Variants in PRKCE observed in about 807,000 individuals in gnomAD.
PRKCE encodes the protein protein kinase C epsilon.
In PRKCE, 16 loss-of-function variants were observed where a neutral mutation model predicts 85.4. The ratio of observed to expected loss-of-function variants is 0.19; its 90% CI spans 0.13 to 0.28. The LOEUF is 0.28. Ranked by LOEUF, PRKCE falls within the 10% of genes least tolerant of loss-of-function variation. PRKCE has a pLI of 1.00. For synonymous variants in PRKCE, 388 were observed against 371.5 expected, an observed-to-expected ratio of 1.04 and a Z score of -0.51; for missense variants, 573 against 975.2, an observed-to-expected ratio of 0.59 and a Z score of 5.49.
At chr2:45,981,646 T>C (rs1457846058) in intron 5 of PRKCE, among the ~76,000 whole-genome samples, 1 of 152,228 alleles carries the variant, frequency 6.6e-6, no homozygotes, top group Non-Finnish European at 1.5e-5. Flanking sequence ...TCTAGGATCA[T>C]GACCCCAGTA....
In PRKCE at chr2:46,001,196, G is replaced by A. The variant is rs1704649854; in HGVS notation, c.824-208G>A. Among the ~76,000 whole-genome samples, 1 of 151,872 alleles carries A rather than the reference G, an allele frequency of 6.6e-6. No individual in the cohort carries two copies. Among genetic ancestry groups the A allele is most frequent in the African/African-American group, 2.4e-5 (1 of 41,298 alleles). On this transcript the variant is annotated intron_variant, in intron 6 of 14. Coordinates refer to ENST00000306156, the MANE Select transcript of PRKCE (RefSeq NM_005400.3). This position sits in a 1 kb window ranked among gnomAD's most constrained non-coding sequence, Gnocchi z 4.4. ...TGGCTGGAATGAAGTACTAGAAACA[G>A]TGGTTATCTCTGCAAGGTGGTTTAA...
At chr2:45,838,128 G>C (rs1316825665) in intron 1 of PRKCE, among the ~76,000 whole-genome samples, 1 of 152,172 alleles carries the variant, frequency 6.6e-6, no homozygotes, top group African/African-American at 2.4e-5. Context: ...GGTGGTCAAG[G>C]TGTCTGAGGT....
intron 1 of PRKCE, among the ~76,000 whole-genome samples, chr2:45,704,767 A>G (rs1678968173): frequency 6.6e-6 from 1 of 152,176 alleles, no homozygotes; most frequent in African/African-American, 2.4e-5. Context: ...AGCAGTTTTC[A>G]CCTAAGTGTT....
At chr2:45,901,158 G>A (rs1696550732) in intron 2 of PRKCE, among the ~76,000 whole-genome samples, 1 of 152,144 alleles carries the variant, frequency 6.6e-6, no homozygotes, top group Admixed American at 6.5e-5. Flanking sequence ...CCATTTTACT[G>A]GAAATCTCAT....
chr2:45,880,413 G>A (rs1407029302), intron 2 of PRKCE, among the ~76,000 whole-genome samples: 1 of 152,054 alleles, frequency 6.6e-6, no homozygotes, highest in South Asian at 2.1e-4. Context: ...TGGATTATAC[G>A]GTAGCTCTAT....
At chr2:46,163,864 C>T (rs1020233954) in intron 14 of PRKCE, among the ~76,000 whole-genome samples, 3 of 137,520 alleles carry the variant, frequency 2.2e-5, no homozygotes, top group East Asian at 4.5e-4. Context: ...AGCTGAGGTG[C>T]ACCCCACAGA....
At chr2:45,817,457 G>T (rs1389096125) in intron 1 of PRKCE, among the ~76,000 whole-genome samples, 2 of 152,116 alleles carry the variant, frequency 1.3e-5, no homozygotes, top group Non-Finnish European at 2.9e-5. Flanking sequence ...ACTTTGGGAG[G>T]CTGAGGAGGG....
At chr2:45,725,061 C>T (rs1209646986) in intron 1 of PRKCE, among the ~76,000 whole-genome samples, 1 of 152,342 alleles carries the variant, frequency 6.6e-6, no homozygotes. Flanking sequence ...GGCTTCAAAG[C>T]TTCAAAGGCC....
rs1558624224 is a variant in PRKCE, at chr2:45,744,539, T to TTTTTCTTTCC, written c.348+92093_348+92094insTTCTTTCCTT. ...TTCTTTCTTTCTTTTTCTTTCCTTC[T>TTTTTCTTTCC]TTCTTTCTTTCTTCCTTCCTTCCTT... On this transcript the variant is annotated intron_variant, in intron 1 of 14. Coordinates refer to ENST00000306156, the MANE Select transcript of PRKCE (RefSeq NM_005400.3). 3.2e-3 allele frequency among the ~76,000 whole-genome samples: 218 copies of TTTTTCTTTCC among 68,170 alleles called. 4 individuals are homozygous for TTTTTCTTTCC. Among genetic ancestry groups the TTTTTCTTTCC allele is most frequent in the Middle Eastern group, 0.022 (3 of 138 alleles). The allele number at this position is 68,170 out of a possible 152,430, so 44.7% of individuals were successfully genotyped here. A position where few individuals can be genotyped will look rare whatever the true frequency, so the allele number is the denominator to read the frequency against.
intron 1 of PRKCE, among the ~76,000 whole-genome samples, chr2:45,735,365 A>G (rs1553394450): frequency 6.6e-6 from 1 of 152,254 alleles, no homozygotes; most frequent in Non-Finnish European, 1.5e-5. Context: ...AAAAAGGAAC[A>G]ATCAAAGCAG....
intron 11 of PRKCE, among the ~76,000 whole-genome samples, chr2:46,124,592 C>T (rs566675348): frequency 2.0e-5 from 3 of 152,304 alleles, no homozygotes; most frequent in South Asian, 4.1e-4. Flanking sequence ...CCCCCTCCTT[C>T]TGTTAAAAAT....
chr2:45,894,754 A>G (rs1013455851), intron 2 of PRKCE, among the ~76,000 whole-genome samples: 4 of 152,236 alleles, frequency 2.6e-5, no homozygotes, highest in East Asian at 3.9e-4. Context: ...ATGGAGTCTC[A>G]CCATGTCGCC....
chr2:46,095,402 C>T (rs1347393597), intron 11 of PRKCE, among the ~76,000 whole-genome samples: 1 of 152,216 alleles, frequency 6.6e-6, no homozygotes, highest in Non-Finnish European at 1.5e-5. Flanking sequence ...TCTACCCCCA[C>T]TCCATGCTTA....
At chr2:46,047,674 G>T (rs762663373) in intron 10 of PRKCE, among the ~76,000 whole-genome samples, 28 of 152,202 alleles carry the variant, frequency 1.8e-4, no homozygotes, top group Non-Finnish European at 7.3e-5. Flanking sequence ...TTTGTTGAAA[G>T]CTTCAAATCA....
chr2:45,908,118 C>T (rs12997144), intron 2 of PRKCE, among the ~76,000 whole-genome samples: 36,276 of 151,986 alleles, frequency 0.24, 5,412 homozygotes, highest in South Asian at 0.35. Context: ...TTGATCATAC[C>T]GCTGGCCAAG....
intron 6 of PRKCE, among the ~76,000 whole-genome samples, chr2:46,000,691 C>T (rs1704607476): frequency 6.6e-6 from 1 of 152,062 alleles, no homozygotes; most frequent in African/African-American, 2.4e-5. Flanking sequence ...ATCAACTCAA[C>T]GACTGGGTCC....
intron 1 of PRKCE, among the ~76,000 whole-genome samples, chr2:45,824,343 A>T (rs371439022): frequency 6.6e-6 from 1 of 152,214 alleles, no homozygotes; most frequent in African/African-American, 2.4e-5. Flanking sequence ...AGCCCTTACC[A>T]TTGTGAATCC....
intron 1 of PRKCE, among the ~76,000 whole-genome samples, chr2:45,727,855 A>G (rs2104519894): frequency 6.6e-6 from 1 of 152,120 alleles, no homozygotes; most frequent in East Asian, 1.9e-4. Context: ...GGGTTTCACC[A>G]TGTTGGTCAG....
chr2:45,655,335 C>T (rs1166987491), intron 1 of PRKCE, among the ~76,000 whole-genome samples: 3 of 149,896 alleles, frequency 2.0e-5, no homozygotes, highest in Non-Finnish European at 3.0e-5. Context: ...TTTCCTAAAA[C>T]GTTATAAGTT....
Sources: allele counts gnomAD v4.1 joint callset (sites outside exome capture counted in the v4.1 genomes callset), GRCh38; gene constraint gnomAD v4.1.1; non-coding constraint Gnocchi (gnomAD v3.1); transcripts MANE v1.5; gene names NCBI Gene and HGNC (gene_info 2026-07-23, HGNC 2026-07-21).